HELZ2: variants seen among roughly 807,000 people sequenced by gnomAD.
The protein encoded by HELZ2 is helicase with zinc finger 2.
Under a neutral mutation model 208.8 loss-of-function variants are expected in HELZ2, and 143 were observed. The observed-to-expected ratio is 0.68, with a 90% confidence interval of 0.60 to 0.79. The LOEUF is 0.79. HELZ2 is among the 30% of genes least tolerant of loss of function. The probability of loss-of-function intolerance (pLI) is 0.00; values close to 1 mark genes in which losing one functional copy is unlikely to be tolerated. For synonymous variants in HELZ2, 1,705 were observed against 1,693.7 expected (o/e 1.01, Z -0.16); for missense variants, 3,690 against 3,794.5 (o/e 0.97, Z 0.72).
chr20:63,559,150 G>T, downstream of HELZ2: 1 of 1,328,818 alleles, frequency 7.5e-7, no homozygotes, highest in Non-Finnish European at 1.0e-6. Context: ...GAGGCAGGCT[G>T]GCCCAGGCAG....
chr20:63,564,220 C>T (rs766824549), exon 8 of HELZ2: 2 of 1,611,898 alleles, frequency 1.2e-6, no homozygotes, highest in East Asian at 2.2e-5. Flanking sequence ...CAGCCACGAG[C>T]CTATTAAACT....
In HELZ2 at chr20:63,565,034, C is replaced by T. The variant is rs562455698; in HGVS notation, c.3788G>A (p.Arg1263Gln). 1.5e-5 allele frequency: 23 copies of T among 1,573,040 alleles called. No individual in the cohort carries two copies. In the African/African-American group the frequency reaches 2.4e-4, roughly 17 times the overall value. ...CAGGACAATTTGGACCCAGAAGAGCCGGCTGTGCCGGGCCTCGGCGGTGAG... is the reference window on the plus strand; with the variant it reads ...CAGGACAATTTGGACCCAGAAGAGCTGGCTGTGCCGGGCCTCGGCGGTGAG... Residue 1263 changes from arginine (R) to glutamine (Q), a missense_variant, in exon 8 of 19, where the codon CGG (arginine) becomes CAG (glutamine). Physicochemically the swap from Arg to Gln is conservative, Grantham distance 43. Transcript: ENST00000467148.
In HELZ2 at chr20:63,562,281, G is replaced by T; in HGVS notation, c.6397+7C>A. The T allele has an allele frequency of 6.3e-7, 1 of 1,597,906 alleles. No homozygotes were observed. On this transcript the variant is annotated splice_region_variant and intron_variant, in intron 9 of 18. Transcript: ENST00000467148. ...GAGGGGAAGCTGGAGGGGTGGGGCAGACCTACCTCTGCAGAGGGGCTGCGG... is the reference window on the plus strand; with the variant it reads ...GAGGGGAAGCTGGAGGGGTGGGGCATACCTACCTCTGCAGAGGGGCTGCGG...
exon 8 of HELZ2, chr20:63,564,714 C>G (rs758350036): frequency 8.1e-6 from 13 of 1,608,556 alleles, no homozygotes; most frequent in Non-Finnish European, 1.1e-5. Flanking sequence ...GTGATGTGCA[C>G]AGCCACCTCG....
rs1437103867 is a variant in HELZ2, at chr20:63,560,782, G to A, written c.7281+13C>T. On this transcript the variant is annotated intron_variant, in intron 15 of 18. Transcript: ENST00000467148. ...GCTGCAGGTGGGCTGGGGGCTGAGT[G>A]GGGCGGGCTCACCATGCGGTACTGA... 6.2e-7 allele frequency: 1 copy of A among 1,607,828 alleles called. No homozygotes were observed.
Position 63,570,277 on chromosome 20 carries a change from C to A in HELZ2, c.570+227G>T, listed in dbSNP as rs927992208. ...ACCTGGCCAAATCCTTGTTTTAACCCATATACTCCATAGAATAACCCTGCC... is the reference window on the plus strand; with the variant it reads ...ACCTGGCCAAATCCTTGTTTTAACCAATATACTCCATAGAATAACCCTGCC... On this transcript the variant is annotated intron_variant, in intron 3 of 18. Coordinates refer to ENST00000467148, the Ensembl canonical transcript of HELZ2. The A allele has an allele frequency of 1.6e-5, 11 of 682,556 alleles. 1 individual carries two copies. Among genetic ancestry groups the A allele is most frequent in the Non-Finnish European group, 3.0e-5 (11 of 363,856 alleles). 42.3% of individuals were successfully genotyped at this position (682,556 alleles called of 1,614,324 possible).
chr20:63,560,921 A>C (rs1247474143), exon 15 of HELZ2: 1 of 1,612,682 alleles, frequency 6.2e-7, no homozygotes, highest in South Asian at 1.1e-5. Context: ...GGTCTCCGAG[A>C]AGAACCACCT....
chr20:63,568,624 C>T (rs2082988008), exon 5 of HELZ2: 1 of 1,602,376 alleles, frequency 6.2e-7, no homozygotes, highest in Non-Finnish European at 8.5e-7. Flanking sequence ...GCTCCTCAGG[C>T]AGTGTGTCCA....
Position 63,561,820 on chromosome 20 carries a change from C to T in HELZ2, c.6691+3G>A. 6.4e-7 allele frequency: 1 copy of T among 1,558,762 alleles called. No individual in the cohort carries two copies. On this transcript the variant is annotated splice_donor_region_variant and intron_variant, in intron 11 of 18. Transcript: ENST00000467148. Reference sequence around the variant, plus strand: ...AAGGCCCCCACCGCCGACCCCGGCGCACCTGCCAGGACATCCACCGACTTG... The same window carrying T: ...AAGGCCCCCACCGCCGACCCCGGCGTACCTGCCAGGACATCCACCGACTTG...
chr20:63,569,790 G>A (rs540349113), intron 3 of HELZ2, 125 bp from the exon 5 acceptor site: 15 of 1,072,072 alleles, frequency 1.4e-5, no homozygotes, highest in Middle Eastern at 3.1e-4. Context: ...TGGATAGAAC[G>A]CAAGCAGGCC....
intron 5 of HELZ2, chr20:63,568,019 C>T: frequency 1.9e-6 from 1 of 534,806 alleles, no homozygotes; most frequent in Non-Finnish European, 3.3e-6. Flanking sequence ...CCACATAAAC[C>T]AAAGGGGAAC....
chr20:63,563,799 TG>T lies in HELZ2; in HGVS notation c.5022del (p.Ile1675SerfsTer295). 6.2e-7 allele frequency: 1 copy of T among 1,602,314 alleles called. No homozygotes were observed. ...AACACCACGTCCAGGTACCTGCGGATGGGCGAGGTGGCCCACGTGTACCAGT... is the reference window on the plus strand; with the variant it reads ...AACACCACGTCCAGGTACCTGCGGATGGCGAGGTGGCCCACGTGTACCAGT... On this transcript the variant is annotated frameshift_variant, in exon 8 of 19. Coordinates refer to ENST00000467148, the Ensembl canonical transcript of HELZ2. LOFTEE classifies it high-confidence loss of function.
exon 1 of HELZ2, chr20:63,572,138 G>A (rs766536927): frequency 2.7e-5 from 44 of 1,611,188 alleles, no homozygotes; most frequent in East Asian, 2.2e-4. Context: ...GGAGAGTCCC[G>A]GGGGTGGGGA....
chr20:63,561,943 A>C, exon 11 of HELZ2: 4 of 1,602,246 alleles, frequency 2.5e-6, no homozygotes, highest in Non-Finnish European at 3.4e-6. Flanking sequence ...GATTTATGAA[A>C]CCAGAATACG....
rs114144250 is a variant in HELZ2 at position 63,565,642 on chromosome 20, G to C, written c.3180C>G (p.Asp1060Glu). 5 of 1,610,592 alleles carry C rather than the reference G, an allele frequency of 3.1e-6. No individual in the cohort carries two copies. The East Asian group carries it at 8.9e-5, about 29-fold the overall frequency. The change falls in exon 8 of 19, where the codon GAC becomes GAG. Residue 1060 changes from aspartate to glutamate, a missense_variant. Physicochemically the swap from Asp to Glu is conservative, Grantham distance 45. Transcript: ENST00000467148. ...TGAGCTCCCCGTCCCACGGCCAGAA[G>C]TCAGCCTCTGCATCCTCAGCCTCCG...
chr20:63,567,327 G>A (rs2082973279), exon 6 of HELZ2: 1 of 1,608,492 alleles, frequency 6.2e-7, no homozygotes, highest in Non-Finnish European at 8.5e-7. Context: ...GCGGGGTGAG[G>A]GCCTCGCACT....
chr20:63,561,787 G>C (rs780281887), intron 11 of HELZ2, 36 bp downstream of exon 12: 10 of 1,555,982 alleles, frequency 6.4e-6, no homozygotes, highest in Non-Finnish European at 7.8e-6. Context: ...CCGCGTGCCA[G>C]CTCCCCAAAG....
chr20:63,559,718 T>G (rs1280772500), intron 18 of HELZ2, among the ~76,000 whole-genome samples: 4 of 42,168 alleles, frequency 9.5e-5, no homozygotes, highest in African/African-American at 4.1e-4. Flanking sequence ...CAGGTGGGAG[T>G]CAGTCAGGGT....
chr20:63,559,043 C>A, downstream of HELZ2: 1 of 556,704 alleles, frequency 1.8e-6, no homozygotes, highest in Non-Finnish European at 3.1e-6. Context: ...TGTTCCTGTC[C>A]CCAGATGCCC....
Sources: gnomAD v4.1 joint callset for allele counts (sites outside exome capture counted in the v4.1 genomes callset) on GRCh38, gnomAD v4.1.1 for gene constraint, MANE v1.5 for transcripts, NCBI Gene and HGNC (gene_info 2026-07-23, HGNC 2026-07-21) for gene names.